SEPTIN14: variants seen among roughly 807,000 people sequenced by gnomAD.
SEPTIN14 encodes septin-14.
A neutral mutation model predicts 53.6 loss-of-function variants in SEPTIN14; 40 were observed. The observed-to-expected ratio is 0.75, with a 90% CI of 0.58 to 0.97. The LOEUF (loss-of-function observed/expected upper bound fraction) is 0.97. Among genes scored for constraint, SEPTIN14 ranks in the 50% least tolerant of loss-of-function variants. SEPTIN14 has a pLI of 0.00. For synonymous variants in SEPTIN14, 138 were observed against 166.8 expected (o/e 0.83, Z 1.33); for missense variants, 471 against 508.2 (o/e 0.93, Z 0.70).
chr7:55,843,256 A>T (rs916370992), intron 4 of SEPTIN14, 128 bp from the exon 5 acceptor site: 3 of 517,958 alleles, frequency 5.8e-6, no homozygotes, highest in Non-Finnish European at 1.0e-5. Context: ...AGTTCATAAC[A>T]TGTCCATACA....
chr7:55,853,219 T>C (rs1789550465), intron 2 of SEPTIN14, among the ~76,000 whole-genome samples: 1 of 152,170 alleles, frequency 6.6e-6, no homozygotes, highest in African/African-American at 2.4e-5. Context: ...TGAAGAGATA[T>C]CTACACTCCC....
rs1788388882 is a variant in SEPTIN14, at chr7:55,794,237, T to C, written c.*1676A>G. On this transcript the variant is annotated 3_prime_UTR_variant, in exon 10 of 10. Coordinates refer to ENST00000388975, the MANE Select transcript of SEPTIN14 (RefSeq NM_207366.3). ...AATGATAATTTTTATAAGGTAGATG[T>C]TATTTTTAAATATGGAATAATATTG... 1 of 152,192 alleles carries C rather than the reference T, an allele frequency of 6.6e-6. No homozygotes were observed. The highest frequency in any genetic ancestry group is 2.1e-4 in the South Asian group (1 of 4,830). The allele number at this position is 152,192 out of a possible 1,614,324, so 9.4% of individuals were successfully genotyped here. A position where few individuals can be genotyped will look rare whatever the true frequency, so the allele number is the denominator to read the frequency against.
At chr7:55,805,232 A>G in intron 9 of SEPTIN14, 26 bp downstream of exon 9, 2 of 1,591,728 alleles carry the variant, frequency 1.3e-6, no homozygotes, top group Non-Finnish European at 1.7e-6. Flanking sequence ...AATTAATACA[A>G]ATTATATCAA....
rs879927834 is a variant in SEPTIN14, at chr7:55,844,654, G to A, written c.240C>T (p.Asn80=). 3.7e-6 allele frequency: 6 copies of A among 1,610,468 alleles called. No homozygotes were observed. Among genetic ancestry groups the A allele is most frequent in the East Asian group, 2.2e-5 (1 of 44,842 alleles). ...CATTTGAGTAAAAATGTGAGGATTT[G>A]TTATCTTTCAAGTTAGTATTAAACA... ...DTLFNTNLKD[N]KSSHFYSNVG... The change falls in exon 4 of 10, where the codon AAC becomes AAT. Residue 80 remains asparagine, a synonymous_variant. Transcript: ENST00000388975.
chr7:55,795,746 G>T lies in SEPTIN14; in HGVS notation c.*167C>A. ...GCCTCCCAAAGTGCTGGGATTACAG[G>T]CATGAGCCACCACACCCCGCTAGGA... On this transcript the variant is annotated 3_prime_UTR_variant, in exon 10 of 10. Transcript: ENST00000388975. 3 of 613,160 alleles carry T rather than the reference G, an allele frequency of 4.9e-6. No individual in the cohort carries two copies. The highest frequency in any genetic ancestry group is 8.5e-6 in the Non-Finnish European group (3 of 352,128). 38.0% of individuals were successfully genotyped at this position (613,160 alleles called of 1,614,324 possible).
chr7:55,819,403 C>T (rs751955072), intron 6 of SEPTIN14, among the ~76,000 whole-genome samples, 180 bp from the exon 7 acceptor site: 1 of 152,146 alleles, frequency 6.6e-6, no homozygotes, highest in Non-Finnish European at 1.5e-5. Context: ...TCCTGGCTAT[C>T]ATGGCGGAAC....
chr7:55,829,953 C>T (rs796967724), intron 6 of SEPTIN14, among the ~76,000 whole-genome samples: 64 of 150,816 alleles, frequency 4.2e-4, no homozygotes, highest in African/African-American at 1.5e-3. Context: ...CCGAGGCGGG[C>T]GGATCACGAG....
chr7:55,836,734 G>A lies in SEPTIN14; in HGVS notation c.559-2148C>T, dbSNP rs188134987. Among the ~76,000 whole-genome samples the A allele has an allele frequency of 3.6e-3, 549 of 150,948 alleles. 14 individuals are homozygous for A. In the East Asian group the frequency reaches 0.059, roughly 16 times the overall value. ...GCCTGGGCAACAAGAGCGAAACTCC[G>A]TCTCAACAACAACAACAACAACAAA... On this transcript the variant is annotated intron_variant, in intron 5 of 9. Transcript: ENST00000388975.
At chr7:55,825,515 A>C (rs1203998732) in intron 6 of SEPTIN14, among the ~76,000 whole-genome samples, 1 of 152,166 alleles carries the variant, frequency 6.6e-6, no homozygotes, top group Non-Finnish European at 1.5e-5. Flanking sequence ...ATAACTTACC[A>C]ATATTGCCTC....
Position 55,818,344 on chromosome 7 carries a change from C to T in SEPTIN14, c.817+783G>A, listed in dbSNP as rs563613061. On this transcript the variant is annotated intron_variant, in intron 7 of 9. Transcript: ENST00000388975. ...AAAATTAGCCCGGTGTGGCGGCAAG[C>T]GCATGTAATCCCAGCTACTCGGAAG... Among the ~76,000 whole-genome samples, 13 of 151,814 alleles carry T rather than the reference C, an allele frequency of 8.6e-5. No homozygotes were observed. The South Asian group carries it at 2.5e-3, about 29-fold the overall frequency.
At chr7:55,839,237 A>T (rs141768725) in intron 5 of SEPTIN14, among the ~76,000 whole-genome samples, 2,459 of 151,956 alleles carry the variant, frequency 0.016, 71 homozygotes, top group African/African-American at 0.056. Context: ...AAAGTACAAA[A>T]AATTAGCCGG....
Position 55,834,478 on chromosome 7 carries a change from A to T in SEPTIN14, c.667T>A (p.Tyr223Asn). The change falls in exon 6 of 10, where the codon TAT becomes AAT. Residue 223 changes from tyrosine (Y) to asparagine (N), a missense_variant. Tyr to Asn is a moderately radical substitution (Grantham distance 143). Transcript: ENST00000388975. Reference sequence around the variant, plus strand: ...GTTTCTTCATCTGTTGGGAGCTGATATATCTGGATGCCATTGCTAATCAAT... The same window carrying T: ...GTTTCTTCATCTGTTGGGAGCTGATTTATCTGGATGCCATTGCTAATCAAT... The part of the protein sequence containing the change: ...SELISNGIQI[Y>N]QLPTDEETAA... 1 of 1,613,228 alleles carries T rather than the reference A, an allele frequency of 6.2e-7. No individual in the cohort carries two copies. Among genetic ancestry groups the T allele is most frequent in the East Asian group, 2.2e-5 (1 of 44,870 alleles).
At chr7:55,797,050 G>A (rs970963218) in intron 9 of SEPTIN14, among the ~76,000 whole-genome samples, 2 of 152,018 alleles carry the variant, frequency 1.3e-5, no homozygotes, top group African/African-American at 4.8e-5. Flanking sequence ...TTGAACCCAG[G>A]AGGCGGAGGT....
chr7:55,836,503 C>T (rs1789209215), intron 5 of SEPTIN14, among the ~76,000 whole-genome samples: 1 of 152,176 alleles, frequency 6.6e-6, no homozygotes, highest in Admixed American at 6.5e-5. Flanking sequence ...CTTTGGGAGG[C>T]CAAGACTGGC....
At chr7:55,854,587 G>A (rs973882688) in intron 2 of SEPTIN14, among the ~76,000 whole-genome samples, 2 of 151,956 alleles carry the variant, frequency 1.3e-5, no homozygotes, top group Non-Finnish European at 2.9e-5. Flanking sequence ...CCGCCACCAC[G>A]CCCGGCTAAT....
At chr7:55,829,241 T>C (rs1435212546) in intron 6 of SEPTIN14, among the ~76,000 whole-genome samples, 1 of 151,616 alleles carries the variant, frequency 6.6e-6, no homozygotes, top group Non-Finnish European at 1.5e-5. Flanking sequence ...CAGCTGTGCA[T>C]GGTGGCAGGT....
rs773814213 is a variant in SEPTIN14 at position 55,843,050 on chromosome 7, C to A, written c.450G>T (p.Leu150Phe). 6.2e-7 allele frequency: 1 copy of A among 1,606,434 alleles called. No homozygotes were observed. The highest frequency in any genetic ancestry group is 8.5e-7 in the Non-Finnish European group (1 of 1,176,162). ...LQEELKIKRSLFEYHDSRVHV... is the reference protein window; with the variant it reads ...LQEELKIKRSFFEYHDSRVHV... Reference sequence around the variant, plus strand: ...GGACGCGAGAATCATGGTACTCAAACAAGGAACGTTTAATCTTCAGTTCTT... The same window carrying A: ...GGACGCGAGAATCATGGTACTCAAAAAAGGAACGTTTAATCTTCAGTTCTT... Residue 150 changes from leucine to phenylalanine, a missense_variant, in exon 5 of 10, where the codon TTG becomes TTT. By Grantham distance (22) the Leu-to-Phe change is conservative. Transcript: ENST00000388975.
intron 5 of SEPTIN14, among the ~76,000 whole-genome samples, chr7:55,842,637 G>A (rs1789332279): frequency 6.6e-6 from 1 of 151,164 alleles, no homozygotes; most frequent in Non-Finnish European, 1.5e-5. Flanking sequence ...AGAAGGCTGG[G>A]CACGGTGGCT....
intron 6 of SEPTIN14, among the ~76,000 whole-genome samples, chr7:55,825,691 G>C (rs1254662484): frequency 6.6e-6 from 1 of 152,168 alleles, no homozygotes; most frequent in Admixed American, 6.6e-5. Flanking sequence ...ATGGGGCCGG[G>C]CGTGGTGACT....
Sources: gnomAD v4.1 joint callset for allele counts (sites outside exome capture counted in the v4.1 genomes callset) on GRCh38, gnomAD v4.1.1 for gene constraint, MANE v1.5 for transcripts, NCBI Gene and HGNC (gene_info 2026-07-23, HGNC 2026-07-21) for gene names.